Variants in CHRM2 observed in about 807,000 individuals in gnomAD.
The protein encoded by CHRM2 is cholinergic receptor muscarinic 2.
Under a neutral mutation model 25.0 loss-of-function variants are expected in CHRM2, and 8 were observed. The ratio of observed to expected loss-of-function variants is 0.32; its 90% CI spans 0.19 to 0.58. The LOEUF (loss-of-function observed/expected upper bound fraction) is 0.58, where lower values mean the gene tolerates loss of function less well. CHRM2 is among the 20% of genes least tolerant of loss of function. CHRM2 has a pLI of 0.88. For missense variants in CHRM2, 440 were observed against 567.1 expected (o/e 0.78, Z 2.28); for synonymous variants, 202 against 205.7 (o/e 0.98, Z 0.15).
intron 2 of CHRM2, among the ~76,000 whole-genome samples, chr7:136,934,822 C>A (rs572812470): frequency 6.8e-6 from 1 of 147,976 alleles, no homozygotes; most frequent in African/African-American, 2.5e-5. Context: ...GATTAATATG[C>A]AAAAAGAAAA....
rs1795740624 is a variant in CHRM2, at chr7:136,869,758, C to T, written c.-125+340C>T. On this transcript the variant is annotated intron_variant, in intron 2 of 3. Coordinates refer to ENST00000680005, the MANE Select transcript of CHRM2 (RefSeq NM_001006630.2). The surrounding 1 kb of genome is among the most constrained non-coding windows in gnomAD (Gnocchi z 4.9). Reference sequence around the variant, plus strand: ...CCGGCGTCGCTCCCTATTCCAGCCCCCCATTCCCTCTACTGTTGCTGACCC... The same window carrying T: ...CCGGCGTCGCTCCCTATTCCAGCCCTCCATTCCCTCTACTGTTGCTGACCC... 1.3e-5 allele frequency: 2 copies of T among 152,578 alleles called. No individual in the cohort carries two copies. Among genetic ancestry groups the T allele is most frequent in the Admixed American group, 6.5e-5 (1 of 15,288 alleles). 9.5% of individuals were successfully genotyped at this position (152,578 alleles called of 1,614,324 possible).
chr7:137,015,974 A>G lies in CHRM2; in HGVS notation c.1109A>G (p.Lys370Arg). ...GCCCGCAAGATTGTGAAGATGACTA[A>G]GCAGCCTGCAAAAAAGAAGCCTCCT... ...IVARKIVKMT[K>R]QPAKKKPPPS... is the part of the protein sequence containing the mutation. The change falls in exon 4 of 4, where the codon AAG becomes AGG. Residue 370 changes from lysine (K) to arginine (R), a missense_variant. Physicochemically the swap from Lys to Arg is conservative, Grantham distance 26 (BLOSUM62 2). This residue lies in a region of CHRM2 where 261 missense variants were observed against 261.8 expected (regional missense o/e 1.00). Transcript: ENST00000680005. The surrounding 1 kb of genome is among the most constrained non-coding windows in gnomAD (Gnocchi z 5.1). The G allele has an allele frequency of 6.2e-7, 1 of 1,613,196 alleles. No individual in the cohort carries two copies. The highest frequency in any genetic ancestry group is 1.7e-5 in the Admixed American group (1 of 59,926).
At chr7:137,006,751 C>CT (rs937126904) in intron 3 of CHRM2, among the ~76,000 whole-genome samples, 1 of 151,754 alleles carries the variant, frequency 6.6e-6, no homozygotes, top group South Asian at 2.1e-4. Flanking sequence ...TTGGTGTGGC[C>CT]TTTTTTTTCC....
At chr7:136,972,800 T>C (rs1801866918) in intron 2 of CHRM2, among the ~76,000 whole-genome samples, 5 of 82,410 alleles carry the variant, frequency 6.1e-5, no homozygotes, top group East Asian at 4.2e-4. Flanking sequence ...CAGGTGACGA[T>C]GGTGACGGTG....
At chr7:136,950,483 A>T (rs2130853001) in intron 2 of CHRM2, among the ~76,000 whole-genome samples, 1 of 152,260 alleles carries the variant, frequency 6.6e-6, no homozygotes, top group Non-Finnish European at 1.5e-5. Context: ...GTTATTTGCC[A>T]GGAAATGGAT....
In CHRM2 at chr7:136,907,634, T is replaced by G. The variant is rs138263725; in HGVS notation, c.-125+38216T>G. ...CTCTCTTGAGCCTAGGGGCAGCTTATGTAATATGCTTCTGTTTTGTACACT... is the reference window on the plus strand; with the variant it reads ...CTCTCTTGAGCCTAGGGGCAGCTTAGGTAATATGCTTCTGTTTTGTACACT... On this transcript the variant is annotated intron_variant, in intron 2 of 3. Transcript: ENST00000680005. Among the ~76,000 whole-genome samples, 9 of 152,092 alleles carry G rather than the reference T, an allele frequency of 5.9e-5. No homozygotes were observed. The East Asian group carries it at 1.7e-3, about 30-fold the overall frequency.
intron 3 of CHRM2, among the ~76,000 whole-genome samples, chr7:137,002,126 GT>G (rs1194896969): frequency 1.3e-5 from 2 of 152,108 alleles, no homozygotes; most frequent in Admixed American, 1.3e-4. Flanking sequence ...ATGCTTTCTG[GT>G]TTTTTGTTTT....
chr7:136,944,697 T>C (rs1277680132), intron 2 of CHRM2, among the ~76,000 whole-genome samples: 1 of 152,092 alleles, frequency 6.6e-6, no homozygotes, highest in Admixed American at 6.6e-5. Flanking sequence ...AGGTGTGGGA[T>C]TACTGGATCA....
intron 2 of CHRM2, among the ~76,000 whole-genome samples, chr7:136,911,166 T>C (rs1797824025): frequency 6.6e-6 from 1 of 151,848 alleles, no homozygotes; most frequent in Admixed American, 6.6e-5. Flanking sequence ...ATGATATGGA[T>C]AAAAAATAAT....
chr7:137,016,010 A>T lies in CHRM2; in HGVS notation c.1145A>T (p.Glu382Val). 1 of 1,613,126 alleles carries T rather than the reference A, an allele frequency of 6.2e-7. No homozygotes were observed. Among genetic ancestry groups the T allele is most frequent in the Non-Finnish European group, 8.5e-7 (1 of 1,179,444 alleles). ...AAAAAGAAGCCTCCTCCTTCCCGGG[A>T]AAAGAAAGTCACCAGGACAATCTTG... ...PAKKKPPPSR[E>V]KKVTRTILAI... The change falls in exon 4 of 4, where the codon GAA becomes GTA. Residue 382 changes from glutamate (E) to valine (V), a missense_variant. Glu to Val is a moderately radical substitution (Grantham distance 121, BLOSUM62 -2). This residue lies in a region of CHRM2 where 65 missense variants were observed against 108.9 expected (regional missense o/e 0.60). Transcript: ENST00000680005.
intron 2 of CHRM2, among the ~76,000 whole-genome samples, chr7:136,949,087 G>A (rs958892275): frequency 2.6e-5 from 4 of 152,100 alleles, no homozygotes; most frequent in Admixed American, 2.6e-4. Context: ...GACACTAGGC[G>A]GTGTCCTTGG....
chr7:136,912,733 T>C (rs1405198072), intron 2 of CHRM2, among the ~76,000 whole-genome samples: 1 of 151,966 alleles, frequency 6.6e-6, no homozygotes, highest in Admixed American at 6.6e-5. Context: ...CCTATAGATA[T>C]TAATTACAAA....
intron 2 of CHRM2, among the ~76,000 whole-genome samples, chr7:136,877,270 A>C (rs1055564311): frequency 1.3e-5 from 2 of 152,076 alleles, no homozygotes; most frequent in Non-Finnish European, 2.9e-5. Context: ...AGACAGCTAT[A>C]GATTAAGAAG....
In CHRM2 at chr7:137,004,290, G is replaced by T. The variant is rs117749465; in HGVS notation, c.-46-10530G>T. ...GAGATGGGGGCAGAAAAAATGTACT[G>T]AGGACATTTCCAAGTCAAGATGGTT... On this transcript the variant is annotated intron_variant, in intron 3 of 3. Transcript: ENST00000680005. 4.4e-4 allele frequency among the ~76,000 whole-genome samples: 67 copies of T among 152,230 alleles called. No individual in the cohort carries two copies. The South Asian group carries it at 0.013, about 29-fold the overall frequency.
chr7:136,910,800 A>AGTGTGTGT (rs71533718), intron 2 of CHRM2, among the ~76,000 whole-genome samples: 28,934 of 145,450 alleles, frequency 0.2, 3,567 homozygotes, highest in Non-Finnish European at 0.28. Context: ...TTTAAAATTA[A>AGTGTGTGT]GTGTGTGTGT....
chr7:136,923,930 T>C (rs1228914918), intron 2 of CHRM2, among the ~76,000 whole-genome samples: 3 of 152,244 alleles, frequency 2.0e-5, no homozygotes, highest in African/African-American at 7.2e-5. Context: ...GCAGGATCAT[T>C]TGAGTTCAGG....
At position 136,868,689 on chromosome 7, in the gene CHRM2, A is replaced by ACGC. The variant is rs1795692637; in HGVS notation, c.-585_-583dup. 6.6e-6 allele frequency: 1 copy of ACGC among 152,346 alleles called. No individual in the cohort carries two copies. Among genetic ancestry groups the ACGC allele is most frequent in the South Asian group, 2.1e-4 (1 of 4,826 alleles). The allele number at this position is 152,346 out of a possible 1,614,324, so 9.4% of individuals were successfully genotyped here. A position where few individuals can be genotyped will look rare whatever the true frequency, so the allele number is the denominator to read the frequency against. The stretch of plus-strand genomic sequence containing the variant: ...CGAACACACACGCACGAATACAGAC[A>ACGC]CGCTCTCCTGCTGTACTAAAGGCGC... On this transcript the variant is annotated 5_prime_UTR_variant, in exon 1 of 4. Transcript: ENST00000680005.
At chr7:137,013,501 G>T (rs1260530595) in intron 3 of CHRM2, among the ~76,000 whole-genome samples, 1 of 151,884 alleles carries the variant, frequency 6.6e-6, no homozygotes, top group Non-Finnish European at 1.5e-5. Flanking sequence ...CTTATTTTCT[G>T]ACAGCTCACA....
chr7:136,972,614 G>T (rs1801848422), intron 2 of CHRM2, among the ~76,000 whole-genome samples: 1 of 152,200 alleles, frequency 6.6e-6, no homozygotes, highest in Non-Finnish European at 1.5e-5. Context: ...AATGAATTAG[G>T]TTGGATTTTG....
Sources: gnomAD v4.1 joint callset for allele counts (sites outside exome capture counted in the v4.1 genomes callset) on GRCh38, gnomAD v4.1.1 for gene constraint, gnomAD v4.1.1 regional missense constraint, Gnocchi (gnomAD v3.1) non-coding constraint, MANE v1.5 for transcripts, NCBI Gene and HGNC (gene_info 2026-07-23, HGNC 2026-07-21) for gene names.